The following BCL11A variants were observed in gnomAD, a reference collection of about 807,000 sequenced individuals.
BCL11A encodes the protein B cell CLL/lymphoma 11A.
In BCL11A, 2 loss-of-function variants were observed where a neutral mutation model predicts 55.9. The ratio of observed to expected loss-of-function variants is 0.04; its 90% confidence interval spans 0.01 to 0.11. BCL11A has a LOEUF of 0.11. Ranked by LOEUF, BCL11A falls within the 10% of genes least tolerant of loss-of-function variation. The pLI, the probability that BCL11A is intolerant of heterozygous loss-of-function variation, is 1.00. For missense variants in BCL11A, 817 were observed against 1,137.1 expected (o/e 0.72, Z 4.05); for synonymous variants, 465 against 473.4 (o/e 0.98, Z 0.23).
chr2:60,518,296 A>G (rs1668824464), intron 2 of BCL11A, among the ~76,000 whole-genome samples: 1 of 152,214 alleles, frequency 6.6e-6, no homozygotes, highest in African/African-American at 2.4e-5. Context: ...AAAACATCAT[A>G]GATAAAGGAG....
At chr2:60,503,591 G>A (rs1352391244) in intron 2 of BCL11A, among the ~76,000 whole-genome samples, 2 of 152,182 alleles carry the variant, frequency 1.3e-5, no homozygotes, top group African/African-American at 4.8e-5. Flanking sequence ...AATACCAGTG[G>A]CTCTTTCAGG....
chr2:60,531,401 CCT>C (rs1558491796), intron 2 of BCL11A, among the ~76,000 whole-genome samples: 1 of 152,150 alleles, frequency 6.6e-6, no homozygotes, highest in Non-Finnish European at 1.5e-5. Flanking sequence ...ATTAATTTAC[CCT>C]GACTTGCAAT....
intron 2 of BCL11A, among the ~76,000 whole-genome samples, chr2:60,491,338 T>C (rs2104309931): frequency 6.6e-6 from 1 of 152,312 alleles, no homozygotes; most frequent in East Asian, 1.9e-4. Flanking sequence ...TTGGCCCCCT[T>C]CAGCTATTAA....
intron 3 of BCL11A, among the ~76,000 whole-genome samples, chr2:60,468,122 GTGGTGGTGGTGGTGA>G (rs1343680292): frequency 2.7e-5 from 4 of 146,342 alleles, no homozygotes; most frequent in African/African-American, 7.6e-5. Flanking sequence ...AGTGGTGGTT[GTGGTGGTGGTGGTGA>G]TGGTGGTGGT....
rs535427020 is a variant in BCL11A at position 60,553,017 on chromosome 2, A to T, written c.55+199T>A. On this transcript the variant is annotated intron_variant, in intron 1 of 3. Transcript: ENST00000642384. ...ATTAAAAGGTGCGTGCTGTCTCAAA[A>T]GTGCATACACGGCAATGGTTCCAGA... is the stretch of plus-strand genomic sequence containing the variant. Among the ~76,000 whole-genome samples the T allele has an allele frequency of 2.0e-5, 3 of 152,148 alleles. No individual in the cohort carries two copies. In the East Asian group the frequency reaches 5.8e-4, roughly 29 times the overall value.
intron 2 of BCL11A, chr2:60,543,104 A>G (rs1412103789): frequency 1.3e-5 from 2 of 151,900 alleles, no homozygotes; most frequent in African/African-American, 4.8e-5. Context: ...ATTTTACTCA[A>G]GATTTAAAGA....
In BCL11A at chr2:60,513,487, G is replaced by A. The variant is rs147795706; in HGVS notation, c.385+32484C>T. ...CATGGGAACCCCTTTGGCAGGTGTG[G>A]GTGTTGGGTTAGCCTCTAGCCAGAA... On this transcript the variant is annotated intron_variant, in intron 2 of 3. Transcript: ENST00000642384. 4.1e-3 allele frequency among the ~76,000 whole-genome samples: 628 copies of A among 152,234 alleles called. 2 individuals carry two copies. The highest frequency in any genetic ancestry group is 0.013 in the African/African-American group (550 of 41,524).
At chr2:60,517,614 C>T (rs894275864) in intron 2 of BCL11A, among the ~76,000 whole-genome samples, 2 of 152,340 alleles carry the variant, frequency 1.3e-5, no homozygotes, top group Non-Finnish European at 1.5e-5. Flanking sequence ...AAAGCACATG[C>T]GGGCCACCTC....
At chr2:60,510,134 C>T (rs899368029) in intron 2 of BCL11A, among the ~76,000 whole-genome samples, 2 of 152,180 alleles carry the variant, frequency 1.3e-5, no homozygotes, top group Non-Finnish European at 2.9e-5. Context: ...GCCTCACTTT[C>T]CCATGCTTGA....
chr2:60,479,259 C>A (rs1400395148), intron 2 of BCL11A, among the ~76,000 whole-genome samples: 3 of 152,242 alleles, frequency 2.0e-5, no homozygotes. Context: ...CCTAGCAGGT[C>A]CACGTGGGGA....
At chr2:60,487,352 C>T (rs1326602899) in intron 2 of BCL11A, among the ~76,000 whole-genome samples, 1 of 152,146 alleles carries the variant, frequency 6.6e-6, no homozygotes, top group Non-Finnish European at 1.5e-5. Flanking sequence ...TGCCACACAC[C>T]GAGAGTGGAA....
intron 2 of BCL11A, chr2:60,541,749 T>A: frequency 1.9e-6 from 1 of 516,882 alleles, no homozygotes; most frequent in Non-Finnish European, 3.5e-6. Context: ...GGTAGTGGTG[T>A]TTTTTTGTTT....
At chr2:60,466,141 C>G (rs1355901215) in intron 3 of BCL11A, among the ~76,000 whole-genome samples, 1 of 152,212 alleles carries the variant, frequency 6.6e-6, no homozygotes, top group Non-Finnish European at 1.5e-5. Flanking sequence ...TGTACCCTCC[C>G]TTTGTGGGAA....
chr2:60,490,938 G>C (rs1386168930), intron 2 of BCL11A, among the ~76,000 whole-genome samples: 1 of 149,360 alleles, frequency 6.7e-6, no homozygotes, highest in African/African-American at 2.5e-5. Flanking sequence ...TGAACTTTCA[G>C]ATAAAAAAAA....
At chr2:60,553,838 G>A (rs1002558044), upstream of BCL11A, 1 of 147,300 alleles carries the variant, frequency 6.8e-6, no homozygotes, top group Non-Finnish European at 1.5e-5. Flanking sequence ...CCGGGGGAGG[G>A]GCGGGCCGAG....
In BCL11A at chr2:60,459,927, G is replaced by C. The variant is rs1417746865; in HGVS notation, c.*477C>G. Reference sequence around the variant, plus strand: ...ATGTATTACAGAATGTATGCAGCATGGTCTTTTTCTCTCTCTCTCTCTTTT... The same window carrying C: ...ATGTATTACAGAATGTATGCAGCATCGTCTTTTTCTCTCTCTCTCTCTTTT... On this transcript the variant is annotated 3_prime_UTR_variant, in exon 4 of 4. Transcript: ENST00000642384. The C allele has an allele frequency of 2.8e-6, 3 of 1,060,654 alleles. No individual in the cohort carries two copies. The African/African-American group carries it at 4.9e-5, about 17-fold the overall frequency. 65.7% of individuals were successfully genotyped at this position (1,060,654 alleles called of 1,614,324 possible).
intron 2 of BCL11A, among the ~76,000 whole-genome samples, chr2:60,514,102 T>C (rs1668615097): frequency 6.6e-6 from 1 of 152,190 alleles, no homozygotes; most frequent in African/African-American, 2.4e-5. Flanking sequence ...TTGTGGACTT[T>C]CCTGAGAGCA....
chr2:60,509,781 T>G (rs897995624), intron 2 of BCL11A, among the ~76,000 whole-genome samples: 1 of 152,022 alleles, frequency 6.6e-6, no homozygotes, highest in Non-Finnish European at 1.5e-5. Context: ...ATCGGGGGGC[T>G]ACTCTCTTTC....
intron 2 of BCL11A, among the ~76,000 whole-genome samples, chr2:60,496,160 A>T (rs1388561429): frequency 1.3e-5 from 2 of 152,364 alleles, no homozygotes; most frequent in East Asian, 1.9e-4. Context: ...TTGTTCATGA[A>T]ATCCCAGAAA....
Sources: allele counts gnomAD v4.1 joint callset (sites outside exome capture counted in the v4.1 genomes callset), GRCh38; gene constraint gnomAD v4.1.1; transcripts MANE v1.5; gene names NCBI Gene and HGNC (gene_info 2026-07-23, HGNC 2026-07-21).